The following GSG1L variants were observed in gnomAD, a reference collection of about 807,000 sequenced individuals.
GSG1L encodes the protein GSG1 like.
GSG1L carries 24 observed loss-of-function variants against 42.1 expected under a neutral mutation model. That is an observed-to-expected ratio of 0.57 (90% CI 0.41 to 0.80). GSG1L has a LOEUF of 0.80. Among genes scored for constraint, GSG1L ranks in the 30% least tolerant of loss-of-function variants. The probability of loss-of-function intolerance (pLI) is 0.00; values close to 1 mark genes in which losing one functional copy is unlikely to be tolerated. For synonymous variants in GSG1L, 215 were observed against 203.5 expected (o/e 1.06, Z -0.48); for missense variants, 445 against 472.2 (o/e 0.94, Z 0.53).
chr16:27,812,623 T>G (rs868161336), intron 5 of GSG1L, among the ~76,000 whole-genome samples: 1 of 151,580 alleles, frequency 6.6e-6, no homozygotes, highest in Non-Finnish European at 1.5e-5. Flanking sequence ...TTACAGGGAG[T>G]GGGGAGCAGG....
intron 1 of GSG1L, among the ~76,000 whole-genome samples, chr16:28,042,632 T>C (rs1466603766): frequency 6.6e-6 from 1 of 152,002 alleles, no homozygotes; most frequent in Non-Finnish European, 1.5e-5. Context: ...AAAGAGATCT[T>C]TCCATACAGA....
intron 1 of GSG1L, among the ~76,000 whole-genome samples, chr16:27,964,836 A>T (rs1169139671): frequency 6.6e-6 from 1 of 152,196 alleles, no homozygotes; most frequent in African/African-American, 2.4e-5. Context: ...AAAAATAGTT[A>T]GAAAGAATGA....
At chr16:27,976,489 G>A (rs75514976) in intron 1 of GSG1L, among the ~76,000 whole-genome samples, 1,684 of 152,228 alleles carry the variant, frequency 0.011, 26 homozygotes, top group African/African-American at 0.039. Context: ...CAAGAGCGGG[G>A]ACCTACTCTG....
chr16:27,939,524 T>C (rs1038555716), intron 2 of GSG1L, among the ~76,000 whole-genome samples: 2 of 152,166 alleles, frequency 1.3e-5, no homozygotes, highest in African/African-American at 4.8e-5. Flanking sequence ...CACATGTAAC[T>C]GTTGCTGTAT....
intron 3 of GSG1L, among the ~76,000 whole-genome samples, chr16:27,875,538 G>A (rs1301690629): frequency 6.6e-6 from 1 of 152,204 alleles, no homozygotes; most frequent in African/African-American, 2.4e-5. Flanking sequence ...GTTCCACTGT[G>A]GACACTCTGA....
intron 2 of GSG1L, among the ~76,000 whole-genome samples, chr16:27,890,031 A>C (rs2141031524): frequency 6.6e-6 from 1 of 152,320 alleles, no homozygotes; most frequent in South Asian, 2.1e-4. Flanking sequence ...CTCTGCCTCC[A>C]GGAACCATGG....
intron 6 of GSG1L, among the ~76,000 whole-genome samples, chr16:27,797,047 C>T (rs1480029300): frequency 1.3e-5 from 2 of 152,130 alleles, no homozygotes; most frequent in African/African-American, 4.8e-5. Context: ...CTCATTTAAT[C>T]CTCAAAAATA....
intron 2 of GSG1L, among the ~76,000 whole-genome samples, chr16:27,949,650 G>A (rs1209303783): frequency 1.3e-5 from 2 of 152,292 alleles, no homozygotes; most frequent in Non-Finnish European, 2.9e-5. Flanking sequence ...TGACAGGCCG[G>A]CGCAGTGGCT....
chr16:27,907,236 A>T lies in GSG1L; in HGVS notation c.398-22598T>A, dbSNP rs530277508. On this transcript the variant is annotated intron_variant, in intron 2 of 6. Coordinates refer to ENST00000447459, the MANE Select transcript of GSG1L (RefSeq NM_001109763.2). ...CTCTGCCAGTACAGACCCCCTCAGA[A>T]GGAAACCCAGGAGAGCCGAGCAGAG... Among the ~76,000 whole-genome samples the T allele has an allele frequency of 6.2e-4, 94 of 152,284 alleles. 1 individual carries two copies. Among genetic ancestry groups the T allele is most frequent in the African/African-American group, 2.3e-3 (94 of 41,562 alleles).
chr16:27,875,239 T>C (rs2083872787), intron 3 of GSG1L, among the ~76,000 whole-genome samples: 1 of 152,174 alleles, frequency 6.6e-6, no homozygotes, highest in Non-Finnish European at 1.5e-5. Context: ...TGGATGGAAG[T>C]TGGTGAGCAA....
At chr16:28,009,698 G>A (rs2085690554) in intron 1 of GSG1L, among the ~76,000 whole-genome samples, 1 of 152,240 alleles carries the variant, frequency 6.6e-6, no homozygotes, top group South Asian at 2.1e-4. Flanking sequence ...GGGATGCAGT[G>A]GAAACGGCAC....
intron 2 of GSG1L, among the ~76,000 whole-genome samples, chr16:27,906,332 G>T (rs1259280935): frequency 6.6e-6 from 1 of 152,028 alleles, no homozygotes; most frequent in Non-Finnish European, 1.5e-5. Flanking sequence ...CGGGAGGGTG[G>T]GTTTCCCTGG....
At chr16:27,960,137 A>T (rs570479753) in intron 2 of GSG1L, among the ~76,000 whole-genome samples, 3 of 152,106 alleles carry the variant, frequency 2.0e-5, no homozygotes, top group African/African-American at 7.2e-5. Context: ...AGGTGGGAGG[A>T]GCTGGAGGCA....
chr16:27,822,697 C>CGTG (rs1463568146), intron 5 of GSG1L, among the ~76,000 whole-genome samples: 6 of 152,194 alleles, frequency 3.9e-5, no homozygotes, highest in African/African-American at 1.4e-4. Flanking sequence ...GGACTACAGG[C>CGTG]GTGAGCCACC....
intron 3 of GSG1L, among the ~76,000 whole-genome samples, chr16:27,865,876 A>AT (rs1232286918): frequency 6.6e-6 from 1 of 150,984 alleles, no homozygotes; most frequent in Non-Finnish European, 1.5e-5. Context: ...TTTTTATTTT[A>AT]TTTTTTTAGA....
chr16:27,963,504 C>A (rs2141108422), intron 1 of GSG1L, among the ~76,000 whole-genome samples: 1 of 152,288 alleles, frequency 6.6e-6, no homozygotes, highest in Non-Finnish European at 1.5e-5. Flanking sequence ...CTGGCCTCCC[C>A]AGGCCTCCAC....
At chr16:27,800,622 GA>G (rs200560343) in intron 6 of GSG1L, among the ~76,000 whole-genome samples, 14 of 150,180 alleles carry the variant, frequency 9.3e-5, no homozygotes, top group South Asian at 4.2e-4. Context: ...ACTTCCTCAG[GA>G]AAAAAAAAAT....
rs1279477505 is a variant in GSG1L, at chr16:28,063,392, C to T, written c.33G>A (p.Leu11=). The part of the protein sequence containing the change: MKTSRRGRAL[L]AVALNLLALL... The stretch of plus-strand genomic sequence containing the variant: ...GCGCCAGCAGGTTCAGGGCCACGGC[C>T]AGGAGCGCTCGGCCGCGGCGGCTAG... The change falls in exon 1 of 7, where the codon CTG becomes CTA. Residue 11 remains leucine, a synonymous_variant. Transcript: ENST00000447459. This position sits in a 1 kb window ranked among gnomAD's most constrained non-coding sequence, Gnocchi z 5.8. 1 of 1,351,740 alleles carries T rather than the reference C, an allele frequency of 7.4e-7. No individual in the cohort carries two copies. The highest frequency in any genetic ancestry group is 2.8e-5 in the Admixed American group (1 of 35,854). 83.7% of individuals were successfully genotyped at this position (1,351,740 alleles called of 1,614,324 possible).
chr16:27,992,195 G>C (rs1271061652), intron 1 of GSG1L, among the ~76,000 whole-genome samples: 1 of 152,162 alleles, frequency 6.6e-6, no homozygotes, highest in South Asian at 2.1e-4. Flanking sequence ...CTAAAGGCTT[G>C]CTAGATAAAG....
Sources: gnomAD v4.1 joint callset for allele counts (sites outside exome capture counted in the v4.1 genomes callset) on GRCh38, gnomAD v4.1.1 for gene constraint, Gnocchi (gnomAD v3.1) non-coding constraint, MANE v1.5 for transcripts, NCBI Gene and HGNC (gene_info 2026-07-23, HGNC 2026-07-21) for gene names.